The following SYNE2 variants were observed in gnomAD, a reference collection of about 807,000 sequenced individuals.
SYNE2 encodes the protein spectrin repeat containing nuclear envelope protein 2.
A neutral mutation model predicts 856.3 loss-of-function variants in SYNE2; 431 were observed. The observed-to-expected ratio is 0.50, with a 90% CI of 0.47 to 0.55. The LOEUF (loss-of-function observed/expected upper bound fraction) is 0.55, where lower values mean the gene tolerates loss of function less well. Ranked by LOEUF, SYNE2 falls within the 20% of genes least tolerant of loss-of-function variation. The probability of loss-of-function intolerance (pLI) is 0.00; values close to 1 mark genes in which losing one functional copy is unlikely to be tolerated. For missense variants in SYNE2, 8,129 were observed against 8,023.2 expected, an observed-to-expected ratio of 1.01 and a Z score of -0.50; for synonymous variants, 2,923 against 2,872.3, an observed-to-expected ratio of 1.02 and a Z score of -0.56.
At chr14:63,827,293 T>A (rs34555415) in intron 1 of SYNE2, among the ~76,000 whole-genome samples, 64,384 of 140,376 alleles carry the variant, frequency 0.46, 15,037 homozygotes, top group South Asian at 0.57. Flanking sequence ...AAAAAAAAAA[T>A]TATTGCAACT....
intron 32 of SYNE2, among the ~76,000 whole-genome samples, chr14:64,013,320 TA>T (rs1231133205): frequency 9.6e-5 from 8 of 82,976 alleles, no homozygotes; most frequent in South Asian, 4.7e-4. Context: ...TTTTCCTCAT[TA>T]AATTTTTTTT....
At chr14:63,939,227 G>T (rs1049699087) in intron 2 of SYNE2, among the ~76,000 whole-genome samples, 1 of 152,122 alleles carries the variant, frequency 6.6e-6, no homozygotes, top group Non-Finnish European at 1.5e-5. Flanking sequence ...AAAATCAGGG[G>T]GTAGAGGGCT....
intron 58 of SYNE2, among the ~76,000 whole-genome samples, chr14:64,089,227 A>G (rs1198712373): frequency 6.6e-6 from 1 of 151,950 alleles, no homozygotes; most frequent in African/African-American, 2.4e-5. Context: ...TTAACTGGGC[A>G]TGGTGGCACG....
chr14:64,104,940 T>G (rs913526139), intron 64 of SYNE2, among the ~76,000 whole-genome samples: 1 of 152,154 alleles, frequency 6.6e-6, no homozygotes, highest in African/African-American at 2.4e-5. Flanking sequence ...TTACCACCTT[T>G]CCTTCAAAGC....
chr14:64,118,808 C>A (rs189457787), intron 66 of SYNE2, among the ~76,000 whole-genome samples: 1 of 150,678 alleles, frequency 6.6e-6, no homozygotes, highest in African/African-American at 2.4e-5. Context: ...TTGCAGTGAG[C>A]CGAGATCACA....
At chr14:64,097,876 A>C in intron 61 of SYNE2, 73 bp from the exon 62 acceptor site, 1 of 1,493,820 alleles carries the variant, frequency 6.7e-7, no homozygotes, top group Non-Finnish European at 9.3e-7. Flanking sequence ...CCTTGTACCA[A>C]AGGAAGCAGG....
At chr14:63,777,130 T>C (rs551561414) in intron 1 of SYNE2, among the ~76,000 whole-genome samples, 1 of 152,342 alleles carries the variant, frequency 6.6e-6, no homozygotes, top group East Asian at 1.9e-4. Flanking sequence ...AAATTCTTTA[T>C]CTAACAAATG....
Position 64,213,129 on chromosome 14 carries a change from GA to G in SYNE2, c.19056+127del, listed in dbSNP as rs2098650004. 4.0e-6 allele frequency: 4 copies of G among 1,003,862 alleles called. No homozygotes were observed. The East Asian group carries it at 1.0e-4, about 26-fold the overall frequency. 62.2% of individuals were successfully genotyped at this position (1,003,862 alleles called of 1,614,324 possible). A position where few individuals can be genotyped will look rare whatever the true frequency, so the allele number is the denominator to read the frequency against. ...TTATGGTTTATTTTTTGGTTGAAAAGAAAGGGCTATATCAAAACATTTTAAT... is the reference window on the plus strand; with the variant it reads ...TTATGGTTTATTTTTTGGTTGAAAAGAAGGGCTATATCAAAACATTTTAAT... On this transcript the variant is annotated intron_variant, in intron 105 of 115. Coordinates refer to ENST00000555002, the MANE Select transcript of SYNE2 (RefSeq NM_182914.3).
chr14:64,119,708 A>T, intron 67 of SYNE2, 99 bp downstream of exon 67: 1 of 1,224,078 alleles, frequency 8.2e-7, no homozygotes, highest in Non-Finnish European at 1.2e-6. Flanking sequence ...AGCTACAGAG[A>T]AACTGTACTA....
chr14:64,145,507 CA>C (rs58238268), intron 83 of SYNE2, among the ~76,000 whole-genome samples: 23,085 of 93,652 alleles, frequency 0.25, 2,209 homozygotes, highest in African/African-American at 0.41. Flanking sequence ...GACTCCGTCT[CA>C]AAAAAAAAAA....
intron 1 of SYNE2, among the ~76,000 whole-genome samples, chr14:63,833,577 A>T (rs1889744700): frequency 6.6e-6 from 1 of 152,208 alleles, no homozygotes. Context: ...TCTCTAATAT[A>T]CTGTTTATCC....
At chr14:63,794,180 A>G (rs779140063) in intron 1 of SYNE2, among the ~76,000 whole-genome samples, 2 of 152,140 alleles carry the variant, frequency 1.3e-5, no homozygotes, top group Non-Finnish European at 2.9e-5. Flanking sequence ...TGGAAACTTT[A>G]TTTATTTTTG....
At chr14:64,124,240 T>G (rs1274203044) in intron 70 of SYNE2, among the ~76,000 whole-genome samples, 1 of 151,896 alleles carries the variant, frequency 6.6e-6, no homozygotes, top group Non-Finnish European at 1.5e-5. Flanking sequence ...TTACCCAGGG[T>G]GGAGTGCAGT....
Position 64,192,954 on chromosome 14 carries a change from T to C in SYNE2, c.18038+2717T>C, listed in dbSNP as rs913430549. Among the ~76,000 whole-genome samples the C allele has an allele frequency of 2.6e-4, 40 of 152,336 alleles. 1 individual carries two copies. Among genetic ancestry groups the C allele is most frequent in the African/African-American group, 9.4e-4 (39 of 41,572 alleles). ...TCTAAGAAGCTCTTAGCTGAGTTTA[T>C]TGTTCAGGTGAATCTGTGGGTTGAG... On this transcript the variant is annotated intron_variant, in intron 99 of 115. Transcript: ENST00000555002.
At chr14:63,865,919 A>G (rs1895179748) in intron 1 of SYNE2, among the ~76,000 whole-genome samples, 1 of 152,100 alleles carries the variant, frequency 6.6e-6, no homozygotes, top group Non-Finnish European at 1.5e-5. Flanking sequence ...GGAAGATAAC[A>G]CTTCCAACAA....
chr14:63,830,162 A>G (rs937049872), intron 1 of SYNE2, among the ~76,000 whole-genome samples: 4 of 152,114 alleles, frequency 2.6e-5, no homozygotes, highest in Admixed American at 2.6e-4. Context: ...TTTATATGCA[A>G]TGTCCAGATT....
intron 1 of SYNE2, among the ~76,000 whole-genome samples, chr14:63,886,096 A>G (rs2357001): frequency 0.62 from 94,382 of 151,992 alleles, 29,437 homozygotes; most frequent in South Asian, 0.7. Flanking sequence ...AGATAATGAT[A>G]CCATTTCACA....
intron 96 of SYNE2, among the ~76,000 whole-genome samples, chr14:64,184,845 A>G (rs2098480632): frequency 6.6e-6 from 1 of 152,264 alleles, no homozygotes; most frequent in Admixed American, 6.5e-5. Flanking sequence ...GGGCCATTTT[A>G]TTAAACATAA....
intron 102 of SYNE2, 33 bp downstream of exon 102, chr14:64,209,611 A>G (rs2098629508): frequency 1.2e-6 from 2 of 1,612,732 alleles, no homozygotes; most frequent in Non-Finnish European, 1.7e-6. Context: ...TCTCCTGATC[A>G]TAACCAAGCC....
Sources: allele counts gnomAD v4.1 joint callset (sites outside exome capture counted in the v4.1 genomes callset), GRCh38; gene constraint gnomAD v4.1.1; transcripts MANE v1.5; gene names NCBI Gene and HGNC (gene_info 2026-07-23, HGNC 2026-07-21).